JMJD1C: variants seen among roughly 807,000 people sequenced by gnomAD.
JMJD1C encodes the protein jumonji domain-containing protein 1C.
Under a neutral mutation model 245.3 loss-of-function variants are expected in JMJD1C, and 31 were observed. That is an observed-to-expected ratio of 0.13 (90% confidence interval 0.09 to 0.17). JMJD1C has a LOEUF of 0.17. Among genes scored for constraint, JMJD1C ranks in the 10% least tolerant of loss-of-function variants. The pLI, the probability that JMJD1C is intolerant of heterozygous loss-of-function variation, is 1.00. For missense variants in JMJD1C, 2,691 were observed against 3,000.2 expected, an observed-to-expected ratio of 0.90 and a Z score of 2.41; for synonymous variants, 1,057 against 1,017.4, an observed-to-expected ratio of 1.04 and a Z score of -0.74.
chr10:63,215,050 A>C lies in JMJD1C; in HGVS notation c.1117T>G (p.Ser373Ala), dbSNP rs1410366727. 5.0e-6 allele frequency: 8 copies of C among 1,607,160 alleles called. No individual in the cohort carries two copies. The highest frequency in any genetic ancestry group is 6.8e-6 in the Non-Finnish European group (8 of 1,177,678). The part of the protein sequence containing the change: ...NMKRLRTDNV[S>A]DFSESSDSEN... ...GAGTCACTGCTCTCAGAAAAGTCTG[A>C]AACATTGTCAGTTCGAAGTCTTTTC... Residue 373 changes from serine (S) to alanine (A), a missense_variant, in exon 8 of 26, where the codon TCA becomes GCA. This residue lies in a region of JMJD1C where 1,562 missense variants were observed against 1,490.7 expected (regional missense o/e 1.05). Transcript: ENST00000399262.
At chr10:63,245,674 G>A (rs10995472) in intron 3 of JMJD1C, among the ~76,000 whole-genome samples, 1 of 152,064 alleles carries the variant, frequency 6.6e-6, no homozygotes, top group Non-Finnish European at 1.5e-5. Context: ...GTAGAGAGGA[G>A]GTTTCACCAT....
intron 1 of JMJD1C, among the ~76,000 whole-genome samples, chr10:63,422,486 C>T (rs775691201): frequency 6.6e-6 from 1 of 152,170 alleles, no homozygotes; most frequent in Admixed American, 6.6e-5. Flanking sequence ...ACCTTTTTCA[C>T]ACTTCTGCTT....
At chr10:63,475,772 G>C (rs1953640994) in intron 1 of JMJD1C, among the ~76,000 whole-genome samples, 1 of 152,206 alleles carries the variant, frequency 6.6e-6, no homozygotes, top group Non-Finnish European at 1.5e-5. Flanking sequence ...GACTACTAGA[G>C]AAGTAGCAAA....
At chr10:63,445,482 C>T (rs1010723780) in intron 1 of JMJD1C, among the ~76,000 whole-genome samples, 1 of 152,142 alleles carries the variant, frequency 6.6e-6, no homozygotes, top group Non-Finnish European at 1.5e-5. Context: ...CCAGACCTGA[C>T]ATGTTCAAGG....
chr10:63,207,046 T>A lies in JMJD1C; in HGVS notation c.4623A>T (p.Thr1541=). The change falls in exon 10 of 26, where the codon ACA becomes ACT. Residue 1541 remains threonine (T), a synonymous_variant. Coordinates refer to ENST00000399262, the MANE Select transcript of JMJD1C (RefSeq NM_032776.3). ...GTTTAGTATGGTAGTTTGGTTGACT[T>A]GTCTGGGAAGCTTGCCCATTTCCTA... The part of the protein sequence containing the change: ...NSVGNGQASQ[T]SQPNYHTKLK... 6.2e-7 allele frequency: 1 copy of A among 1,614,190 alleles called. No homozygotes were observed.
At chr10:63,516,604 C>T (rs1478108444) in intron 1 of JMJD1C, among the ~76,000 whole-genome samples, 1 of 152,120 alleles carries the variant, frequency 6.6e-6, no homozygotes, top group East Asian at 1.9e-4. Context: ...AACACAAAAC[C>T]ATATTTTACC....
At chr10:63,466,126 C>T (rs530526572), upstream of JMJD1C, 1,324 of 175,124 alleles carry the variant, frequency 7.6e-3, 20 homozygotes, top group African/African-American at 0.032. Context: ...CCACTGGGTC[C>T]GTCCAGATCC....
At chr10:63,202,465 G>A (rs1470695273) in intron 10 of JMJD1C, 4 of 985,234 alleles carry the variant, frequency 4.1e-6, no homozygotes, top group African/African-American at 1.7e-5. Flanking sequence ...CAGAGGTACA[G>A]CTATTCTCCT....
intron 1 of JMJD1C, among the ~76,000 whole-genome samples, chr10:63,500,723 C>CGATG (rs1208128279): frequency 2.8e-4 from 34 of 120,226 alleles, no homozygotes; most frequent in African/African-American, 6.0e-4. Context: ...AAGACTGTCT[C>CGATG]GATGGATGGA....
At chr10:63,314,595 T>C (rs1939686522) in intron 2 of JMJD1C, among the ~76,000 whole-genome samples, 1 of 151,964 alleles carries the variant, frequency 6.6e-6, no homozygotes, top group African/African-American at 2.4e-5. Flanking sequence ...TCATTTATGG[T>C]AGGCTTCGCT....
chr10:63,362,153 C>T (rs188780351), intron 2 of JMJD1C, among the ~76,000 whole-genome samples: 37 of 150,880 alleles, frequency 2.5e-4, no homozygotes, highest in Middle Eastern at 3.4e-3. Flanking sequence ...GAGGATCACT[C>T]GAACCTGGGA....
rs1010118403 is a variant in JMJD1C at position 63,239,750 on chromosome 10, T to A, written c.448-19767A>T. 2.0e-5 allele frequency among the ~76,000 whole-genome samples: 3 copies of A among 152,210 alleles called. No individual in the cohort carries two copies. In the South Asian group the frequency reaches 6.2e-4, roughly 31 times the overall value. On this transcript the variant is annotated intron_variant, in intron 3 of 25. Transcript: ENST00000399262. ...GTGAGCCACCGCTCCTGGCCCTACA[T>A]GTTGATTTAAGTGACAAACTGGCAT...
chr10:63,392,360 A>G (rs1031467426), intron 1 of JMJD1C, among the ~76,000 whole-genome samples: 1 of 152,200 alleles, frequency 6.6e-6, no homozygotes, highest in African/African-American at 2.4e-5. Context: ...ATAAATAATG[A>G]TAAATGCGAC....
At chr10:63,399,864 T>A (rs1645639036) in intron 1 of JMJD1C, among the ~76,000 whole-genome samples, 1 of 152,044 alleles carries the variant, frequency 6.6e-6, no homozygotes, top group African/African-American at 2.4e-5. Context: ...CAAGGTATAT[T>A]CGGAGAATTC....
At chr10:63,442,787 T>C (rs1951466933) in intron 1 of JMJD1C, among the ~76,000 whole-genome samples, 1 of 152,216 alleles carries the variant, frequency 6.6e-6, no homozygotes, top group Non-Finnish European at 1.5e-5. Context: ...ATTTTCATAT[T>C]GTTCCTTCTC....
chr10:63,404,077 T>A lies in JMJD1C; in HGVS notation c.169-23595A>T, dbSNP rs539003384. Among the ~76,000 whole-genome samples, 3 of 151,912 alleles carry A rather than the reference T, an allele frequency of 2.0e-5. No individual in the cohort carries two copies. In the South Asian group the frequency reaches 6.2e-4, roughly 32 times the overall value. On this transcript the variant is annotated intron_variant, in intron 1 of 25. Coordinates refer to ENST00000399262, the MANE Select transcript of JMJD1C (RefSeq NM_032776.3). ...TTGCAGTGAGCTGAAATTGCACCAC[T>A]GCACTCCAGCCTGGGCAACAGAGCA...
intron 3 of JMJD1C, among the ~76,000 whole-genome samples, chr10:63,237,321 A>C (rs1850856111): frequency 6.6e-6 from 1 of 150,434 alleles, no homozygotes; most frequent in African/African-American, 2.5e-5. Flanking sequence ...TACAGGCGTG[A>C]GCCACTGTGC....
chr10:63,351,549 T>C (rs1302639450), intron 2 of JMJD1C, among the ~76,000 whole-genome samples: 2 of 152,230 alleles, frequency 1.3e-5, no homozygotes, highest in Non-Finnish European at 1.5e-5. Context: ...GAATGGTATA[T>C]AGACTTTTCT....
At chr10:63,259,746 A>T (rs1854456570) in intron 3 of JMJD1C, among the ~76,000 whole-genome samples, 1 of 152,212 alleles carries the variant, frequency 6.6e-6, no homozygotes, top group East Asian at 1.9e-4. Flanking sequence ...GAAAATACTC[A>T]GGTTTGTTCT....
Sources: gnomAD v4.1 joint callset for allele counts (sites outside exome capture counted in the v4.1 genomes callset) on GRCh38, gnomAD v4.1.1 for gene constraint, gnomAD v4.1.1 regional missense constraint, MANE v1.5 for transcripts, NCBI Gene and HGNC (gene_info 2026-07-23, HGNC 2026-07-21) for gene names.